The following TANC2 variants were observed in gnomAD, a reference collection of about 807,000 sequenced individuals.
TANC2 encodes the protein protein TANC2.
A neutral mutation model predicts 210.5 loss-of-function variants in TANC2; 26 were observed. That is an observed-to-expected ratio of 0.12 (90% confidence interval 0.09 to 0.17). The LOEUF is 0.17. Ranked by LOEUF, TANC2 falls within the 10% of genes least tolerant of loss-of-function variation. The probability of loss-of-function intolerance (pLI) is 1.00; values close to 1 mark genes in which losing one functional copy is unlikely to be tolerated. For missense variants in TANC2, 2,129 were observed against 2,608.9 expected (o/e 0.82, Z 4.01); for synonymous variants, 931 against 967.1 (o/e 0.96, Z 0.69).
At chr17:63,319,174 G>A in intron 11 of TANC2, 84 bp downstream of exon 11, 1 of 1,397,074 alleles carries the variant, frequency 7.2e-7, no homozygotes, top group Non-Finnish European at 9.8e-7. Context: ...TTGGCAAAGT[G>A]AACAAAAATA....
intron 7 of TANC2, among the ~76,000 whole-genome samples, chr17:63,235,482 A>G (rs1464171620): frequency 1.3e-5 from 2 of 151,948 alleles, no homozygotes. Context: ...CTCTCTTTTA[A>G]TTCTTAAGTT....
Position 63,341,612 on chromosome 17 carries a change from G to A in TANC2, c.1807+1280G>A, listed in dbSNP as rs555633174. ...CATTGCTGGACATGACTGGCCCTGAGGAGACAGCTCTGCCAAGCCTCAGAT... is the reference window on the plus strand; with the variant it reads ...CATTGCTGGACATGACTGGCCCTGAAGAGACAGCTCTGCCAAGCCTCAGAT... On this transcript the variant is annotated intron_variant, in intron 12 of 27. Transcript: ENST00000689528. Among the ~76,000 whole-genome samples, 4 of 152,338 alleles carry A rather than the reference G, an allele frequency of 2.6e-5. No homozygotes were observed. In the South Asian group the frequency reaches 6.2e-4, roughly 24 times the overall value.
At chr17:63,161,596 C>A (rs1598498352) in intron 5 of TANC2, among the ~76,000 whole-genome samples, 1 of 152,132 alleles carries the variant, frequency 6.6e-6, no homozygotes, top group East Asian at 1.9e-4. Context: ...TCTCGGGCAT[C>A]ATTTTCATAG....
chr17:63,169,000 C>T (rs373071831), intron 5 of TANC2, among the ~76,000 whole-genome samples: 2 of 152,170 alleles, frequency 1.3e-5, no homozygotes, highest in Non-Finnish European at 1.5e-5. Context: ...ATTCATTATA[C>T]ATGACTGAAC....
intron 4 of TANC2, among the ~76,000 whole-genome samples, chr17:63,117,619 G>T (rs148633692): frequency 6.6e-6 from 1 of 152,190 alleles, no homozygotes; most frequent in African/African-American, 2.4e-5. Context: ...TCTGGGCAGC[G>T]TAAAGAGCTG....
At chr17:63,295,405 G>C (rs2044504740) in intron 9 of TANC2, among the ~76,000 whole-genome samples, 1 of 152,218 alleles carries the variant, frequency 6.6e-6, no homozygotes, top group Non-Finnish European at 1.5e-5. Flanking sequence ...CTCAGAAACT[G>C]AGGCCTTTGA....
At chr17:63,038,309 G>A (rs1453023690) in intron 2 of TANC2, among the ~76,000 whole-genome samples, 1 of 152,104 alleles carries the variant, frequency 6.6e-6, no homozygotes, top group Non-Finnish European at 1.5e-5. Flanking sequence ...CGTTAGTATG[G>A]TAGATTGCAT....
chr17:63,036,445 ACT>A (rs1239008342), intron 2 of TANC2, among the ~76,000 whole-genome samples: 1 of 152,186 alleles, frequency 6.6e-6, no homozygotes, highest in African/African-American at 2.4e-5. Context: ...GTATTTCTGC[ACT>A]GTCTGTTCTG....
intron 2 of TANC2, among the ~76,000 whole-genome samples, chr17:63,051,596 G>C (rs1337913990): frequency 6.6e-6 from 1 of 152,060 alleles, no homozygotes; most frequent in Non-Finnish European, 1.5e-5. Flanking sequence ...CTTTATTATA[G>C]CTATGTATGT....
At chr17:63,414,288 G>T (rs1432118288) in intron 25 of TANC2, 2 of 152,188 alleles carry the variant, frequency 1.3e-5, no homozygotes, top group Admixed American at 1.3e-4. Context: ...TTTGGCAGCA[G>T]TCATCACTGA....
chr17:63,353,568 A>G (rs540784191), intron 13 of TANC2, among the ~76,000 whole-genome samples: 3 of 152,278 alleles, frequency 2.0e-5, no homozygotes, highest in Admixed American at 1.3e-4. Context: ...CATGAGCCAC[A>G]TATAGATAAT....
At position 63,421,926 on chromosome 17, in the gene TANC2, A is replaced by G. The variant is rs1248851797; in HGVS notation, c.6196A>G (p.Lys2066Glu). 1 of 1,612,456 alleles carries G rather than the reference A, an allele frequency of 6.2e-7. No individual in the cohort carries two copies. The highest frequency in any genetic ancestry group is 8.5e-7 in the Non-Finnish European group (1 of 1,179,092). ...AGGGCAGACATCCCCTATCAAACCA[A>G]AGAGACCGTTCGTGGAGTCTAATGT... Residue 2066 changes from lysine to glutamate, a missense_variant, in exon 28 of 28, where the codon AAG becomes GAG. Physicochemically the swap from Lys to Glu is moderately conservative, Grantham distance 56. Coordinates refer to ENST00000689528, the Ensembl canonical transcript of TANC2. The surrounding 1 kb of genome is among the most constrained non-coding windows in gnomAD (Gnocchi z 6.9).
chr17:63,340,846 G>A (rs2046205693), intron 12 of TANC2, among the ~76,000 whole-genome samples: 1 of 152,140 alleles, frequency 6.6e-6, no homozygotes, highest in African/African-American at 2.4e-5. Context: ...ATTTTACGGT[G>A]CATAAATTGT....
At chr17:63,141,375 C>A (rs1406844382) in intron 4 of TANC2, among the ~76,000 whole-genome samples, 2 of 65,188 alleles carry the variant, frequency 3.1e-5, no homozygotes, top group African/African-American at 5.9e-5. Context: ...AACCCCGTTT[C>A]TACTAAAAAA....
chr17:63,195,600 G>A (rs964157373), intron 6 of TANC2, among the ~76,000 whole-genome samples: 8 of 152,078 alleles, frequency 5.3e-5, no homozygotes, highest in East Asian at 1.9e-4. Context: ...ACCCGTTGCC[G>A]TATCCTCTGC....
intron 5 of TANC2, among the ~76,000 whole-genome samples, chr17:63,175,086 T>G (rs2040530519): frequency 6.6e-6 from 1 of 152,214 alleles, no homozygotes; most frequent in South Asian, 2.1e-4. Context: ...AAAAACTATT[T>G]GTAGACATTT....
chr17:63,291,667 A>G (rs1252423350), intron 9 of TANC2, among the ~76,000 whole-genome samples: 1 of 152,214 alleles, frequency 6.6e-6, no homozygotes, highest in Admixed American at 6.5e-5. Context: ...TTGAGAACCT[A>G]AATTATATGG....
chr17:63,295,224 A>T (rs1418775135), intron 9 of TANC2, among the ~76,000 whole-genome samples: 2 of 152,138 alleles, frequency 1.3e-5, no homozygotes, highest in African/African-American at 2.4e-5. Context: ...GTTTTGCCAT[A>T]TGGTACTGGG....
chr17:62,975,678 A>G (rs1287325667), intron 1 of TANC2, among the ~76,000 whole-genome samples: 1 of 151,978 alleles, frequency 6.6e-6, no homozygotes, highest in Non-Finnish European at 1.5e-5. Context: ...TGATGAGACC[A>G]GTATATATTG....
Sources: allele counts gnomAD v4.1 joint callset (sites outside exome capture counted in the v4.1 genomes callset), GRCh38; gene constraint gnomAD v4.1.1; non-coding constraint Gnocchi (gnomAD v3.1); transcripts MANE v1.5; gene names NCBI Gene and HGNC (gene_info 2026-07-23, HGNC 2026-07-21).